Variants in AKT2 observed in about 807,000 individuals in gnomAD.
AKT2 encodes the protein AKT serine/threonine kinase 2.
Under a neutral mutation model 58.6 loss-of-function variants are expected in AKT2, and 16 were observed. The observed-to-expected ratio is 0.27, with a 90% confidence interval of 0.18 to 0.41. The LOEUF is 0.41. AKT2 is among the 10% of genes least tolerant of loss of function. AKT2 has a pLI of 1.00. For missense variants in AKT2, 438 were observed against 661.0 expected, an observed-to-expected ratio of 0.66 and a Z score of 3.70; for synonymous variants, 253 against 254.0, an observed-to-expected ratio of 1.00 and a Z score of 0.04.
intron 2 of AKT2, 40 bp downstream of exon 2, chr19:40,265,182 C>A: frequency 1.9e-5 from 30 of 1,604,180 alleles, no homozygotes; most frequent in Non-Finnish European, 2.5e-5. Context: ...GAGGAGCCAG[C>A]GTGGGAGAAA....
intron 1 of AKT2, chr19:40,274,251 A>G (rs1430721793): frequency 6.6e-6 from 1 of 152,380 alleles, no homozygotes; most frequent in African/African-American, 2.4e-5. Context: ...CCTAGCCCCC[A>G]CTGTGTCCCC....
chr19:40,258,923 T>C (rs1015078541), intron 2 of AKT2, among the ~76,000 whole-genome samples: 5 of 152,030 alleles, frequency 3.3e-5, no homozygotes, highest in African/African-American at 1.2e-4. Flanking sequence ...CACATTCACA[T>C]GGAATTTCAA....
intron 1 of AKT2, chr19:40,279,303 G>A (rs2077381020): frequency 6.6e-6 from 1 of 152,532 alleles, no homozygotes; most frequent in South Asian, 2.1e-4. Flanking sequence ...GCCAGGCTGA[G>A]CTCCCACCCA....
intron 1 of AKT2, chr19:40,274,725 G>A: frequency 3.4e-6 from 1 of 292,142 alleles, no homozygotes; most frequent in South Asian, 3.3e-5. Flanking sequence ...GGCAGGGGAG[G>A]AGCAGGGCTG....
Position 40,234,615 on chromosome 19 carries a change from T to C in AKT2, c.1366+430A>G. 2.2e-6 allele frequency: 1 copy of C among 463,236 alleles called. No homozygotes were observed. Among genetic ancestry groups the C allele is most frequent in the Non-Finnish European group, 3.8e-6 (1 of 263,548 alleles). The allele number at this position is 463,236 out of a possible 1,614,324, so 28.7% of individuals were successfully genotyped here. On this transcript the variant is annotated intron_variant, in intron 13 of 13. Transcript: ENST00000392038. The surrounding 1 kb of genome is among the most constrained non-coding windows in gnomAD (Gnocchi z 4.7). ...ATTTCCTCTGGGATTCCCCAGTCCC[T>C]GGCCTCCCACGCCCTAGCCCTGACC...
chr19:40,234,674 C>A lies in AKT2; in HGVS notation c.1366+371G>T. On this transcript the variant is annotated intron_variant, in intron 13 of 13. Coordinates refer to ENST00000392038, the MANE Select transcript of AKT2 (RefSeq NM_001626.6). The surrounding 1 kb of genome is among the most constrained non-coding windows in gnomAD (Gnocchi z 4.7). ...CCGCCCACCCTACCTGGGCTGGGAG[C>A]TTTCCAGGGCAGGGCCCAGGGCTGG... 2 of 565,998 alleles carry A rather than the reference C, an allele frequency of 3.5e-6. No individual in the cohort carries two copies. The highest frequency in any genetic ancestry group is 6.2e-6 in the Non-Finnish European group (2 of 321,156). 35.1% of individuals were successfully genotyped at this position (565,998 alleles called of 1,614,324 possible). A position where few individuals can be genotyped will look rare whatever the true frequency, so the allele number is the denominator to read the frequency against.
At chr19:40,282,178 C>T (rs183459065) in intron 1 of AKT2, 22 of 226,634 alleles carry the variant, frequency 9.7e-5, no homozygotes, top group Non-Finnish European at 1.5e-4. Context: ...TGGATGCCTC[C>T]GTTCCATAAC....
chr19:40,260,135 G>A (rs999551620), intron 2 of AKT2, among the ~76,000 whole-genome samples: 8 of 151,454 alleles, frequency 5.3e-5, no homozygotes, highest in African/African-American at 1.9e-4. Flanking sequence ...ATGGGAGACA[G>A]AGCAAGACTC....
intron 1 of AKT2, among the ~76,000 whole-genome samples, chr19:40,267,323 G>A (rs1434468506): frequency 6.6e-6 from 1 of 152,122 alleles, no homozygotes; most frequent in Non-Finnish European, 1.5e-5. Context: ...CACCTAGAAA[G>A]CCCTCGGGAA....
At position 40,233,383 on chromosome 19, in the gene AKT2, G is replaced by C. The variant is rs897840728; in HGVS notation, c.*489C>G. ...CTGCCCCCATAGGGGGACAGCGGGT[G>C]GGGGATTGGACCGCCCCGTGCCTGG... On this transcript the variant is annotated 3_prime_UTR_variant, in exon 14 of 14. Transcript: ENST00000392038. This position sits in a 1 kb window ranked among gnomAD's most constrained non-coding sequence, Gnocchi z 4.3. The C allele has an allele frequency of 4.6e-6, 2 of 435,302 alleles. No individual in the cohort carries two copies. Among genetic ancestry groups the C allele is most frequent in the Non-Finnish European group, 8.7e-6 (2 of 229,872 alleles). 27.0% of individuals were successfully genotyped at this position (435,302 alleles called of 1,614,324 possible). A position where few individuals can be genotyped will look rare whatever the true frequency, so the allele number is the denominator to read the frequency against.
chr19:40,265,486 G>C, intron 1 of AKT2, 135 bp from the exon 2 acceptor site: 1 of 1,225,476 alleles, frequency 8.2e-7, no homozygotes, highest in Non-Finnish European at 1.1e-6. Flanking sequence ...GGGTGGCGTG[G>C]AGCCCGCTCT....
At chr19:40,281,047 C>T (rs756180032) in intron 1 of AKT2, among the ~76,000 whole-genome samples, 1 of 152,194 alleles carries the variant, frequency 6.6e-6, no homozygotes, top group African/African-American at 2.4e-5. Flanking sequence ...AAACCTTTTC[C>T]TCGGCTCCAC....
chr19:40,234,637 G>A lies in AKT2; in HGVS notation c.1366+408C>T, dbSNP rs377504383. 8.8e-5 allele frequency: 48 copies of A among 543,226 alleles called. No homozygotes were observed. The highest frequency in any genetic ancestry group is 8.5e-4 in the African/African-American group (45 of 53,168). The allele number at this position is 543,226 out of a possible 1,614,324, so 33.7% of individuals were successfully genotyped here. On this transcript the variant is annotated intron_variant, in intron 13 of 13. Coordinates refer to ENST00000392038, the MANE Select transcript of AKT2 (RefSeq NM_001626.6). The surrounding 1 kb of genome is among the most constrained non-coding windows in gnomAD (Gnocchi z 4.7). ...CCCTGGCCTCCCACGCCCTAGCCCT[G>A]ACCACTCCAGGCCGCCCACCCTACC...
chr19:40,264,684 C>T (rs374972903), intron 2 of AKT2, among the ~76,000 whole-genome samples: 1 of 152,172 alleles, frequency 6.6e-6, no homozygotes, highest in African/African-American at 2.4e-5. Context: ...CCTCTGACCA[C>T]TGCCGTCTCC....
rs759833025 is a variant in AKT2 at position 40,234,851 on chromosome 19, A to C, written c.1366+194T>G. On this transcript the variant is annotated intron_variant, in intron 13 of 13. Transcript: ENST00000392038. The surrounding 1 kb of genome is among the most constrained non-coding windows in gnomAD (Gnocchi z 4.7). ...CCGACTGAGCTCCAGAACGTGCTGC[A>C]GTCAATGGCTCCTGGTGGCCTCACC... 5.5e-5 allele frequency: 37 copies of C among 676,680 alleles called. No homozygotes were observed. Among genetic ancestry groups the C allele is most frequent in the Non-Finnish European group, 8.9e-5 (33 of 372,416 alleles). 41.9% of individuals were successfully genotyped at this position (676,680 alleles called of 1,614,324 possible).
chr19:40,239,895 T>C (rs766928869), intron 7 of AKT2, 150 bp downstream of exon 7: 1 of 943,140 alleles, frequency 1.1e-6, no homozygotes, highest in Non-Finnish European at 1.7e-6. Flanking sequence ...CATGTCTTGG[T>C]TCGGATGACT....
At chr19:40,260,655 A>G (rs1405062024) in intron 2 of AKT2, among the ~76,000 whole-genome samples, 1 of 150,838 alleles carries the variant, frequency 6.6e-6, no homozygotes, top group African/African-American at 2.4e-5. Context: ...AAAAAAAAAA[A>G]AAGAATATAT....
chr19:40,236,590 C>A (rs1298310193), intron 9 of AKT2: 2 of 662,954 alleles, frequency 3.0e-6, no homozygotes, highest in Admixed American at 2.5e-5. Context: ...CCCCATGGTA[C>A]CTGGGAACAG....
rs753989242 is a variant in AKT2, at chr19:40,235,921, C to A, written c.1144G>T (p.Ala382Ser). ...TLSPEAKSLLAGLLKKDPKQR... is the reference protein window; with the variant it reads ...TLSPEAKSLLSGLLKKDPKQR... Reference sequence around the variant, plus strand: ...TTGGGGTCCTTCTTAAGCAGCCCAGCAAGCAGGGACTTGGCCTCGGGGCTG... The same window carrying A: ...TTGGGGTCCTTCTTAAGCAGCCCAGAAAGCAGGGACTTGGCCTCGGGGCTG... Residue 382 changes from alanine to serine, a missense_variant, in exon 11 of 14, where the codon GCT becomes TCT. Physicochemically the swap from Ala to Ser is moderately conservative, Grantham distance 99. Coordinates refer to ENST00000392038, the MANE Select transcript of AKT2 (RefSeq NM_001626.6). The surrounding 1 kb of genome is among the most constrained non-coding windows in gnomAD (Gnocchi z 6.3). The A allele has an allele frequency of 1.9e-5, 30 of 1,613,060 alleles. No individual in the cohort carries two copies. The highest frequency in any genetic ancestry group is 2.5e-5 in the Non-Finnish European group (29 of 1,179,974).
Sources: gnomAD v4.1 joint callset for allele counts (sites outside exome capture counted in the v4.1 genomes callset) on GRCh38, gnomAD v4.1.1 for gene constraint, Gnocchi (gnomAD v3.1) non-coding constraint, MANE v1.5 for transcripts, NCBI Gene and HGNC (gene_info 2026-07-23, HGNC 2026-07-21) for gene names.